Variants in RLN2 observed in about 807,000 individuals in gnomAD.
The protein encoded by RLN2 is prorelaxin H2.
RLN2 carries 10 observed loss-of-function variants against 7.3 expected under a neutral mutation model. The observed-to-expected ratio is 1.36, with a 90% CI of 0.84 to 2.31. The LOEUF is 2.31. Ranked by LOEUF, RLN2 falls within the 30% of genes most tolerant of loss-of-function variation. The probability of loss-of-function intolerance (pLI) is 0.00; values close to 1 mark genes in which losing one functional copy is unlikely to be tolerated. For missense variants in RLN2, 298 were observed against 217.6 expected, an observed-to-expected ratio of 1.37 and a Z score of -2.32; for synonymous variants, 103 against 82.3, an observed-to-expected ratio of 1.25 and a Z score of -1.36.
Position 5,300,383 on chromosome 9 carries a change from A to C in RLN2, c.273T>G (p.Val91=). 1 of 1,613,472 alleles carries C rather than the reference A, an allele frequency of 6.2e-7. No individual in the cohort carries two copies. Among genetic ancestry groups the C allele is most frequent in the Non-Finnish European group, 8.5e-7 (1 of 1,179,830 alleles). ...ACTTCAGCTCCTGTGGCAAATTAGC[A>C]ACAAATTCTGACATCATATTTATGG... ...TETINMMSEF[V]ANLPQELKLT... The change falls in exon 2 of 2, where the codon GTT becomes GTG. Residue 91 remains valine, a synonymous_variant. Transcript: ENST00000381627.
At chr9:5,332,703 A>G in the RLN2 span, among the ~76,000 whole-genome samples, 1 of 150,856 alleles carries the variant, frequency 6.6e-6, no homozygotes, top group Non-Finnish European at 1.5e-5. Flanking sequence ...GCTTACTGCA[A>G]CTCCCGGGTT....
chr9:5,304,445 T>C lies in RLN2; in HGVS notation c.136A>G (p.Ile46Val). 1.2e-6 allele frequency: 2 copies of C among 1,612,766 alleles called. No homozygotes were observed. The highest frequency in any genetic ancestry group is 1.7e-6 in the Non-Finnish European group (2 of 1,179,684). ...TTGCTCCAGGTGCTCATGCCGCAAA[T>C]GGCAATCTGCGCGCGAACTAATTCG... ...GRELVRAQIAICGMSTWSKRS... is the reference protein window; with the variant it reads ...GRELVRAQIAVCGMSTWSKRS... Residue 46 changes from isoleucine to valine, a missense_variant, in exon 1 of 2, where the codon ATT (isoleucine) becomes GTT (valine). Coordinates refer to ENST00000381627, the MANE Select transcript of RLN2 (RefSeq NM_134441.3).
At chr9:5,307,332 T>A (rs1408710997), upstream of RLN2, among the ~76,000 whole-genome samples, 3 of 151,670 alleles carry the variant, frequency 2.0e-5, no homozygotes, top group African/African-American at 7.3e-5. Flanking sequence ...AGTGTGTGTA[T>A]ATATATATAT....
intron 1 of RLN2, among the ~76,000 whole-genome samples, chr9:5,301,284 G>C (rs1816123940): frequency 6.6e-6 from 1 of 152,198 alleles, no homozygotes; most frequent in Admixed American, 6.5e-5. Context: ...TGAAGGCTGG[G>C]ACTTGGGCTG....
At chr9:5,305,359 CCACACACACACACACA>C (rs34733616), upstream of RLN2, among the ~76,000 whole-genome samples, 315 of 121,888 alleles carry the variant, frequency 2.6e-3, 5 homozygotes, top group African/African-American at 7.6e-3. Context: ...GGAGAACATA[CCACACACACACACACA>C]CACACACACA....
chr9:5,312,778 T>C, the RLN2 span, among the ~76,000 whole-genome samples: 1 of 152,046 alleles, frequency 6.6e-6, no homozygotes, highest in Non-Finnish European at 1.5e-5. Context: ...GCTGTTTCTA[T>C]TTTCATTTGT....
rs201960695 is a variant in RLN2 at position 5,300,455 on chromosome 9, T to A, written c.212-11A>T. The A allele has an allele frequency of 1.9e-4, 300 of 1,548,376 alleles. No homozygotes were observed. In the African/African-American group the frequency reaches 3.5e-3, roughly 18 times the overall value. ...AGGATGGCACAATTTCTGTTAAATT[T>A]AAAAAAAAAGGTGTATGTGAGGGTA... On this transcript the variant is annotated splice_polypyrimidine_tract_variant and intron_variant, in intron 1 of 1. Transcript: ENST00000381627.
upstream of RLN2, among the ~76,000 whole-genome samples, chr9:5,308,183 C>T (rs940624704): frequency 1.3e-5 from 2 of 152,000 alleles, no homozygotes; most frequent in African/African-American, 4.8e-5. Flanking sequence ...GGTTATCATG[C>T]TGCTTTATCC....
the RLN2 span, among the ~76,000 whole-genome samples, chr9:5,317,732 A>C: frequency 1.3e-5 from 2 of 151,982 alleles, no homozygotes; most frequent in East Asian, 3.9e-4. Context: ...AAATGGGTAA[A>C]AGACACAAAT....
chr9:5,311,154 A>C, the RLN2 span, among the ~76,000 whole-genome samples: 13 of 152,218 alleles, frequency 8.5e-5, 1 homozygote, highest in South Asian at 2.7e-3. Flanking sequence ...AACTTGCAAC[A>C]AAGTGAAATC....
upstream of RLN2, among the ~76,000 whole-genome samples, chr9:5,307,275 A>G (rs369464295): frequency 5.0e-4 from 21 of 42,236 alleles, no homozygotes; most frequent in African/African-American, 1.8e-3. Flanking sequence ...GATAGAGGAT[A>G]GATAGATAGA....
rs1469428172 is a variant in RLN2 at position 5,304,562 on chromosome 9, A to AC, written c.18_19insG (p.Phe7ValfsTer27). On this transcript the variant is annotated frameshift_variant, in exon 1 of 2. Coordinates refer to ENST00000381627, the MANE Select transcript of RLN2 (RefSeq NM_134441.3). LOFTEE classifies it high-confidence loss of function. ...AGTAAACAGACTCCTAGCAGGTGGA[A>AC]AAAAAACAGGCGAGGCATCCTGGGC... is the stretch of plus-strand genomic sequence containing the variant. The AC allele has an allele frequency of 6.2e-7, 1 of 1,613,716 alleles. No homozygotes were observed. Among genetic ancestry groups the AC allele is most frequent in the Admixed American group, 1.7e-5 (1 of 59,986 alleles).
At chr9:5,311,749 G>A in the RLN2 span, 5 of 932,792 alleles carry the variant, frequency 5.4e-6, no homozygotes, top group Non-Finnish European at 8.6e-6. Context: ...GTATACTTCT[G>A]GTGACTGTAG....
At chr9:5,300,549 T>G (rs998515871) in intron 1 of RLN2, 105 bp from the exon 2 acceptor site, 1 of 711,640 alleles carries the variant, frequency 1.4e-6, no homozygotes, top group African/African-American at 1.8e-5. Context: ...TGCCTCAGTA[T>G]AAATTAAACA....
Position 5,304,662 on chromosome 9 carries a change from T to A in RLN2, c.-82A>T, listed in dbSNP as rs1292537457. ...GCTGTGGCCTACACACCTGGGCCTGTGTGCCTGTCCCGGGCTTTAGGCTGC... is the reference window on the plus strand; with the variant it reads ...GCTGTGGCCTACACACCTGGGCCTGAGTGCCTGTCCCGGGCTTTAGGCTGC... On this transcript the variant is annotated 5_prime_UTR_variant, in exon 1 of 2. Coordinates refer to ENST00000381627, the MANE Select transcript of RLN2 (RefSeq NM_134441.3). 1.4e-6 allele frequency: 2 copies of A among 1,418,394 alleles called. No individual in the cohort carries two copies. Among genetic ancestry groups the A allele is most frequent in the Non-Finnish European group, 9.9e-7 (1 of 1,009,450 alleles). 87.9% of individuals were successfully genotyped at this position (1,418,394 alleles called of 1,614,324 possible).
the RLN2 span, chr9:5,311,470 A>C: frequency 1.6e-6 from 1 of 642,138 alleles, no homozygotes; most frequent in South Asian, 1.7e-5. Context: ...GCTGAAGGGG[A>C]TGTTAAAGGA....
upstream of RLN2, among the ~76,000 whole-genome samples, chr9:5,307,185 T>C (rs967769810): frequency 2.0e-5 from 3 of 151,786 alleles, no homozygotes; most frequent in African/African-American, 7.3e-5. Flanking sequence ...TATAAGTAAC[T>C]TTTTAAGGTT....
the RLN2 span, among the ~76,000 whole-genome samples, chr9:5,320,251 G>C: frequency 2.0e-5 from 3 of 151,622 alleles, no homozygotes; most frequent in Non-Finnish European, 4.4e-5. Flanking sequence ...CTCCCAATGT[G>C]CTGGGATTAC....
the RLN2 span, among the ~76,000 whole-genome samples, chr9:5,323,245 G>T: frequency 6.6e-6 from 1 of 151,804 alleles, no homozygotes; most frequent in Admixed American, 6.6e-5. Flanking sequence ...CTCATATTTT[G>T]GTGGGACTCC....
Sources: gnomAD v4.1 joint callset for allele counts (sites outside exome capture counted in the v4.1 genomes callset) on GRCh38, gnomAD v4.1.1 for gene constraint, MANE v1.5 for transcripts, NCBI Gene and HGNC (gene_info 2026-07-23, HGNC 2026-07-21) for gene names.